DNAJC2: variants seen among roughly 807,000 people sequenced by gnomAD.
DNAJC2 encodes the protein dnaJ homolog subfamily C member 2.
In DNAJC2, 32 loss-of-function variants were observed where a neutral mutation model predicts 94.0. The observed-to-expected ratio is 0.34, with a 90% CI of 0.26 to 0.46. The LOEUF is 0.46. DNAJC2 is among the 20% of genes least tolerant of loss of function. The probability of loss-of-function intolerance (pLI) is 1.00; values close to 1 mark genes in which losing one functional copy is unlikely to be tolerated. For missense variants in DNAJC2, 550 were observed against 719.5 expected (o/e 0.76, Z 2.69); for synonymous variants, 210 against 229.7 (o/e 0.91, Z 0.77).
chr7:103,322,552 T>TTGCTTTCTTTTCTGCTTC lies in DNAJC2; in HGVS notation c.874_891dup (p.Glu292_Ala297dup). On this transcript the variant is annotated inframe_insertion, in exon 9 of 17. Transcript: ENST00000379263. ...TGCTCCTTCCGTTTAGCTTCTGCTT[T>TTGCTTTCTTTTCTGCTTC]TGCTTTCTTTTCTGCTTCTTTCTTG... 1 of 1,572,492 alleles carries TTGCTTTCTTTTCTGCTTC rather than the reference T, an allele frequency of 6.4e-7. No homozygotes were observed. Among genetic ancestry groups the TTGCTTTCTTTTCTGCTTC allele is most frequent in the Non-Finnish European group, 8.7e-7 (1 of 1,148,480 alleles).
intron 1 of DNAJC2, among the ~76,000 whole-genome samples, chr7:103,342,417 T>G (rs1049444551): frequency 6.6e-6 from 1 of 152,056 alleles, no homozygotes; most frequent in Non-Finnish European, 1.5e-5. Context: ...GTGATTCTTG[T>G]GCCTCAGCCT....
chr7:103,327,912 T>A (rs1002795197), intron 3 of DNAJC2, among the ~76,000 whole-genome samples, 158 bp from the exon 4 acceptor site: 82 of 152,152 alleles, frequency 5.4e-4, no homozygotes, highest in Non-Finnish European at 4.1e-4. Context: ...ATAGAGAAAC[T>A]GATTTATTTC....
intron 15 of DNAJC2, 96 bp downstream of exon 15, chr7:103,315,668 T>A: frequency 4.1e-6 from 3 of 724,832 alleles, no homozygotes; most frequent in South Asian, 2.0e-5. Flanking sequence ...AACATTTTAT[T>A]TCCCTATCAT....
At position 103,326,698 on chromosome 7, in the gene DNAJC2, T is replaced by G; in HGVS notation, c.431-14A>C. On this transcript the variant is annotated splice_polypyrimidine_tract_variant and intron_variant, in intron 4 of 16. Coordinates refer to ENST00000379263, the MANE Select transcript of DNAJC2 (RefSeq NM_014377.3). ...ACATTTCATAAGCTGAGAAAAAAAT[T>G]GTTAAGATCACATCACCATAACTTT... The G allele has an allele frequency of 6.3e-7, 1 of 1,597,328 alleles. No homozygotes were observed. Among genetic ancestry groups the G allele is most frequent in the Non-Finnish European group, 8.5e-7 (1 of 1,174,724 alleles).
chr7:103,332,994 C>G (rs1018987155), intron 3 of DNAJC2, among the ~76,000 whole-genome samples: 1 of 152,120 alleles, frequency 6.6e-6, no homozygotes. Flanking sequence ...TTCGGGATTT[C>G]AAATTTTTTT....
Position 103,322,757 on chromosome 7 carries a change from CTCTGT to C in DNAJC2, c.752_756del (p.Asn251SerfsTer19), listed in dbSNP as rs768569744. The C allele has an allele frequency of 6.2e-7, 1 of 1,608,138 alleles. No individual in the cohort carries two copies. The highest frequency in any genetic ancestry group is 8.5e-7 in the Non-Finnish European group (1 of 1,179,682). On this transcript the variant is annotated frameshift_variant, in exon 8 of 17. Coordinates refer to ENST00000379263, the MANE Select transcript of DNAJC2 (RefSeq NM_014377.3). LOFTEE classifies it high-confidence loss of function. ...TCTTTTTTTCTTTGTGCTCTTGTTG[CTCTGT>C]TCTGCTTTTCAATCCATCTCCTCTC...
rs1819358159 is a variant in DNAJC2 at position 103,341,121 on chromosome 7, T to C, written c.255+643A>G. Among the ~76,000 whole-genome samples, 3 of 152,292 alleles carry C rather than the reference T, an allele frequency of 2.0e-5. No homozygotes were observed. In the South Asian group the frequency reaches 6.2e-4, roughly 32 times the overall value. On this transcript the variant is annotated intron_variant, in intron 2 of 16. Transcript: ENST00000379263. ...CCCTCTTCCTCAAAACCCAGCCACATAGTAAGTTCAAGGATTCAGTCACAG... is the reference window on the plus strand; with the variant it reads ...CCCTCTTCCTCAAAACCCAGCCACACAGTAAGTTCAAGGATTCAGTCACAG...
chr7:103,344,640 C>T lies in DNAJC2; in HGVS notation c.-18G>A. ...AGCAGCATGATGGCGCCGGGTCTAG[C>T]CCGGTGGGCGCAGCGGCTCACGTCC... On this transcript the variant is annotated 5_prime_UTR_variant, in exon 1 of 17. Coordinates refer to ENST00000379263, the MANE Select transcript of DNAJC2 (RefSeq NM_014377.3). The T allele has an allele frequency of 6.2e-7, 1 of 1,606,248 alleles. No homozygotes were observed.
Position 103,344,069 on chromosome 7 carries a change from A to C in DNAJC2, c.64+490T>G, listed in dbSNP as rs75224659. 1.2e-3 allele frequency among the ~76,000 whole-genome samples: 179 copies of C among 152,350 alleles called. 3 individuals carry two copies. In the East Asian group the frequency reaches 0.029, roughly 24 times the overall value. On this transcript the variant is annotated intron_variant, in intron 1 of 16. Transcript: ENST00000379263. The stretch of plus-strand genomic sequence containing the variant: ...AGTCTACGCGGATCTTTTCAGCAGC[A>C]CAGTCTTTGAACACCGAGTATGAGG...
chr7:103,320,303 T>C (rs1818314306), intron 10 of DNAJC2, among the ~76,000 whole-genome samples: 1 of 151,860 alleles, frequency 6.6e-6, no homozygotes, highest in African/African-American at 2.4e-5. Flanking sequence ...TTGGCCAGGC[T>C]GGTCTTGAAC....
intron 10 of DNAJC2, among the ~76,000 whole-genome samples, chr7:103,320,648 G>A (rs1818336244): frequency 6.6e-6 from 1 of 150,942 alleles, no homozygotes; most frequent in Admixed American, 6.6e-5. Flanking sequence ...GGAGGCTGAG[G>A]CAGGAGCATG....
rs1488727091 is a variant in DNAJC2 at position 103,316,849 on chromosome 7, G to C, written c.1408C>G (p.Pro470Ala). ...CAGTACCTTGAATTTGTTCCAGCAG[G>C]GAACAGATTCACAGCTTTAATTAGT... ...QLLIKAVNLFPAGTNSRWEVI... is the reference protein window; with the variant it reads ...QLLIKAVNLFAAGTNSRWEVI... The change falls in exon 13 of 17, where the codon CCT (proline) becomes GCT (alanine). Residue 470 changes from proline (P) to alanine (A), a missense_variant. Pro to Ala is a conservative substitution (Grantham distance 27, BLOSUM62 -1). Coordinates refer to ENST00000379263, the MANE Select transcript of DNAJC2 (RefSeq NM_014377.3). 1.9e-6 allele frequency: 3 copies of C among 1,613,510 alleles called. No homozygotes were observed. The highest frequency in any genetic ancestry group is 3.3e-5 in the Admixed American group (2 of 59,962).
In DNAJC2 at chr7:103,335,263, G is replaced by A. The variant is rs530718512; in HGVS notation, c.331+2473C>T. ...GGTACCAGATTTACATTTTTATTAG[G>A]TTTGTGCTAATAATTATAGATTTGC... On this transcript the variant is annotated intron_variant, in intron 3 of 16. Coordinates refer to ENST00000379263, the MANE Select transcript of DNAJC2 (RefSeq NM_014377.3). 18 of 152,286 alleles carry A rather than the reference G, an allele frequency of 1.2e-4. No homozygotes were observed. The South Asian group carries it at 3.7e-3, about 32-fold the overall frequency. The allele number at this position is 152,286 out of a possible 1,614,324, so 9.4% of individuals were successfully genotyped here. A position where few individuals can be genotyped will look rare whatever the true frequency, so the allele number is the denominator to read the frequency against.
intron 1 of DNAJC2, 51 bp downstream of exon 1, chr7:103,344,508 G>A (rs762333720): frequency 1.4e-5 from 23 of 1,603,358 alleles, no homozygotes; most frequent in South Asian, 6.6e-5. Flanking sequence ...GCGGAGGACT[G>A]AGGCAGGGGC....
intron 15 of DNAJC2, chr7:103,313,967 G>A (rs1206383081): frequency 1.0e-6 from 1 of 985,262 alleles, no homozygotes; most frequent in East Asian, 1.1e-4. Flanking sequence ...ACTGCGGCCT[G>A]TGAGATCTGT....
intron 10 of DNAJC2, 101 bp from the exon 11 acceptor site, chr7:103,319,945 GA>G (rs1462216749): frequency 7.9e-7 from 1 of 1,272,232 alleles, no homozygotes; most frequent in African/African-American, 1.5e-5. Context: ...TGAGGCAGGA[GA>G]ATCGCTTGAA....
intron 5 of DNAJC2, among the ~76,000 whole-genome samples, chr7:103,326,128 A>C (rs567963654): frequency 1.3e-4 from 19 of 151,636 alleles, no homozygotes; most frequent in Non-Finnish European, 2.8e-4. Flanking sequence ...ACAGGCATGC[A>C]CCTCCACGGC....
intron 13 of DNAJC2, 104 bp downstream of exon 13, chr7:103,316,726 A>G: frequency 1.0e-6 from 1 of 979,108 alleles, no homozygotes; most frequent in East Asian, 2.4e-5. Flanking sequence ...CACAGAATTT[A>G]TCTCTGCAAG....
In DNAJC2 at chr7:103,344,720, C is replaced by T. The variant is rs888423346; in HGVS notation, c.-98G>A. On this transcript the variant is annotated 5_prime_UTR_variant, in exon 1 of 17. Coordinates refer to ENST00000379263, the MANE Select transcript of DNAJC2 (RefSeq NM_014377.3). Reference sequence around the variant, plus strand: ...GCTCTACCTCTCACTCCGAGCCTCGCGCCTTGGCTCTAAGACGCCCAGGAA... The same window carrying T: ...GCTCTACCTCTCACTCCGAGCCTCGTGCCTTGGCTCTAAGACGCCCAGGAA... The T allele has an allele frequency of 3.2e-5, 42 of 1,301,054 alleles. No homozygotes were observed. The highest frequency in any genetic ancestry group is 4.2e-5 in the Non-Finnish European group (39 of 919,258). 80.6% of individuals were successfully genotyped at this position (1,301,054 alleles called of 1,614,324 possible). A position where few individuals can be genotyped will look rare whatever the true frequency, so the allele number is the denominator to read the frequency against.
Sources: gnomAD v4.1 joint callset for allele counts (sites outside exome capture counted in the v4.1 genomes callset) on GRCh38, gnomAD v4.1.1 for gene constraint, MANE v1.5 for transcripts, NCBI Gene and HGNC (gene_info 2026-07-23, HGNC 2026-07-21) for gene names.